The following HK2 variants were observed in gnomAD, a reference collection of about 807,000 sequenced individuals.
The protein encoded by HK2 is hexokinase-2.
Under a neutral mutation model 92.9 loss-of-function variants are expected in HK2, and 42 were observed. That is an observed-to-expected ratio of 0.45 (90% CI 0.35 to 0.58). The LOEUF (loss-of-function observed/expected upper bound fraction) is 0.58. Ranked by LOEUF, HK2 falls within the 20% of genes least tolerant of loss-of-function variation. The pLI is 0.00. For synonymous variants in HK2, 422 were observed against 468.0 expected, an observed-to-expected ratio of 0.90 and a Z score of 1.27; for missense variants, 978 against 1,245.1, an observed-to-expected ratio of 0.79 and a Z score of 3.23.
chr2:74,880,207 T>C (rs1689346722), intron 9 of HK2, 58 bp from the exon 10 acceptor site: 4 of 1,586,852 alleles, frequency 2.5e-6, no homozygotes, highest in Non-Finnish European at 3.5e-6. Context: ...GTCTAACTAT[T>C]TGCACCATTG....
intron 3 of HK2, among the ~76,000 whole-genome samples, chr2:74,868,235 A>G (rs1189004756): frequency 1.3e-5 from 2 of 152,086 alleles, no homozygotes; most frequent in Non-Finnish European, 2.9e-5. Context: ...CCTTGTTATC[A>G]TGCTGGGGTT....
chr2:74,859,844 AATC>A (rs1283960995), intron 2 of HK2, among the ~76,000 whole-genome samples: 1 of 152,200 alleles, frequency 6.6e-6, no homozygotes, highest in East Asian at 1.9e-4. Context: ...AAGGAAAAGA[AATC>A]ATACCAAAAA....
chr2:74,883,502 A>C (rs1252548986), intron 12 of HK2, among the ~76,000 whole-genome samples: 2 of 152,224 alleles, frequency 1.3e-5, no homozygotes, highest in Non-Finnish European at 2.9e-5. Flanking sequence ...GGGCCAGCGC[A>C]GAAGAGCCTA....
At chr2:74,874,167 C>G in intron 6 of HK2, 99 bp from the exon 7 acceptor site, 2 of 1,476,012 alleles carry the variant, frequency 1.4e-6, no homozygotes, top group South Asian at 1.2e-5. Flanking sequence ...GAAATCCCAG[C>G]CATCCTGGCC....
Position 74,882,256 on chromosome 2 carries a change from G to C in HK2, c.1839+17G>C. ...CTGGACGAGGTAACAGCACCTTCCT[G>C]GAGGGCTCTCCTGTGGGCTTTATTG... On this transcript the variant is annotated intron_variant, in intron 12 of 17. Transcript: ENST00000290573. The C allele has an allele frequency of 6.2e-7, 1 of 1,613,814 alleles. No homozygotes were observed. Among genetic ancestry groups the C allele is most frequent in the Non-Finnish European group, 8.5e-7 (1 of 1,179,824 alleles).
chr2:74,886,536 A>G lies in HK2; in HGVS notation c.2082A>G (p.Glu694=), dbSNP rs1406710116. 4.3e-6 allele frequency: 7 copies of G among 1,613,878 alleles called. No individual in the cohort carries two copies. Among genetic ancestry groups the G allele is most frequent in the Non-Finnish European group, 5.9e-6 (7 of 1,179,956 alleles). The change falls in exon 15 of 18, where the codon GAA becomes GAG. Residue 694 remains glutamate, a synonymous_variant. Transcript: ENST00000290573. ...ACATGGAGGAGATGCGCAACGTGGA[A>G]CTGGTGGAAGGAGAAGAGGGGCGGA... is the stretch of plus-strand genomic sequence containing the variant. ...ACYMEEMRNV[E]LVEGEEGRMC... is the part of the protein sequence containing the mutation.
chr2:74,886,815 G>T, intron 15 of HK2, 142 bp downstream of exon 15: 2 of 878,342 alleles, frequency 2.3e-6, no homozygotes, highest in Admixed American at 4.0e-5. Flanking sequence ...AGGGTTTCTT[G>T]TCGAATGCAC....
intron 1 of HK2, among the ~76,000 whole-genome samples, chr2:74,836,515 C>G (rs1688170267): frequency 1.3e-5 from 2 of 152,152 alleles, no homozygotes; most frequent in Admixed American, 1.3e-4. Flanking sequence ...TATGGAGTTG[C>G]GATTATTAAG....
chr2:74,881,951 G>C, intron 11 of HK2, 92 bp downstream of exon 11: 1 of 1,508,584 alleles, frequency 6.6e-7, no homozygotes, highest in South Asian at 1.1e-5. Flanking sequence ...CTGTGACCCT[G>C]GGGAGGGCTA....
At chr2:74,852,429 C>A (rs1369295893) in intron 1 of HK2, among the ~76,000 whole-genome samples, 1 of 152,180 alleles carries the variant, frequency 6.6e-6, no homozygotes, top group Non-Finnish European at 1.5e-5. Context: ...AAGAAAGGGG[C>A]CTTGTCTAGT....
chr2:74,862,748 A>G (rs1266351556), intron 2 of HK2, among the ~76,000 whole-genome samples: 2 of 152,208 alleles, frequency 1.3e-5, no homozygotes, highest in African/African-American at 2.4e-5. Flanking sequence ...TGGCACTTAC[A>G]TTGTCAGGCG....
At chr2:74,885,342 T>C in intron 12 of HK2, 152 bp from the exon 13 acceptor site, 3 of 700,022 alleles carry the variant, frequency 4.3e-6, no homozygotes, top group Non-Finnish European at 7.9e-6. Flanking sequence ...GTAAGTACCT[T>C]AGGAACAGTT....
At position 74,834,866 on chromosome 2, in the gene HK2, C is replaced by A. The variant is rs1162064492; in HGVS notation, c.63+223C>A. 6.6e-6 allele frequency among the ~76,000 whole-genome samples: 1 copy of A among 152,178 alleles called. No individual in the cohort carries two copies. The highest frequency in any genetic ancestry group is 1.5e-5 in the Non-Finnish European group (1 of 68,004). ...GGAGCCGAGGTCGCGCTCCGCCGGG[C>A]GCCCTCCCTCCCTGAGCTCCGGCAC... On this transcript the variant is annotated intron_variant, in intron 1 of 17. Coordinates refer to ENST00000290573, the MANE Select transcript of HK2 (RefSeq NM_000189.5). The surrounding 1 kb of genome is among the most constrained non-coding windows in gnomAD (Gnocchi z 4.2).
intron 16 of HK2, among the ~76,000 whole-genome samples, chr2:74,888,363 G>A (rs746430689): frequency 3.3e-5 from 5 of 152,196 alleles, no homozygotes; most frequent in African/African-American, 4.8e-5. Flanking sequence ...AAATTGAAAC[G>A]CACAGAGGAA....
chr2:74,879,798 A>T (rs1689336869), intron 9 of HK2, among the ~76,000 whole-genome samples: 1 of 152,240 alleles, frequency 6.6e-6, no homozygotes. Context: ...GAGAGGCTAA[A>T]GTCCAGAAGA....
rs1689657429 is a variant in HK2, at chr2:74,890,788, C to T, written c.2610-9C>T. The T allele has an allele frequency of 1.2e-6, 2 of 1,614,036 alleles. No individual in the cohort carries two copies. The highest frequency in any genetic ancestry group is 2.2e-5 in the South Asian group (2 of 91,060). ...GGTTTTTCCTGTGTCTTCCTCCCAC[C>T]TTTTCCAGCTTTGCCAAAGTCATGC... On this transcript the variant is annotated splice_polypyrimidine_tract_variant and intron_variant, in intron 17 of 17. Transcript: ENST00000290573.
intron 15 of HK2, 86 bp downstream of exon 15, chr2:74,886,759 G>A (rs752203663): frequency 2.0e-4 from 274 of 1,364,618 alleles, no homozygotes; most frequent in Middle Eastern, 8.9e-4. Flanking sequence ...GCATCTCCCA[G>A]GACGCCGGTT....
chr2:74,888,020 G>T lies in HK2; in HGVS notation c.2337G>T (p.Arg779Ser). The change falls in exon 16 of 18, where the codon AGG (arginine) becomes AGT (serine). Residue 779 changes from arginine (R) to serine (S), a missense_variant. Around this residue, in one of 3 missense-constraint regions of HK2, gnomAD observed 742 missense variants for 922.5 expected, o/e 0.80. Coordinates refer to ENST00000290573, the MANE Select transcript of HK2 (RefSeq NM_000189.5). The part of the protein sequence containing the change: ...RGRISERLKT[R>S]GIFETKFLSQ... ...GCATCTCAGAGCGGCTCAAGACAAG[G>T]GGCATCTTTGAAACCAAGTTCTTGT... 1 of 1,614,172 alleles carries T rather than the reference G, an allele frequency of 6.2e-7. No individual in the cohort carries two copies. The highest frequency in any genetic ancestry group is 8.5e-7 in the Non-Finnish European group (1 of 1,180,024).
At chr2:74,888,091 C>T (rs763601621) in intron 16 of HK2, 33 bp downstream of exon 16, 8 of 1,610,360 alleles carry the variant, frequency 5.0e-6, no homozygotes, top group South Asian at 3.3e-5. Flanking sequence ...AGCAGGGGGG[C>T]CATGTCCTTT....
Sources: allele counts gnomAD v4.1 joint callset (sites outside exome capture counted in the v4.1 genomes callset), GRCh38; gene constraint gnomAD v4.1.1; regional missense constraint gnomAD v4.1.1; non-coding constraint Gnocchi (gnomAD v3.1); transcripts MANE v1.5; gene names NCBI Gene and HGNC (gene_info 2026-07-23, HGNC 2026-07-21).